Variants in PRKG1 observed in about 807,000 individuals in gnomAD.
The protein encoded by PRKG1 is cGMP-dependent protein kinase 1.
PRKG1 carries 35 observed loss-of-function variants against 88.1 expected under a neutral mutation model. That is an observed-to-expected ratio of 0.40 (90% CI 0.30 to 0.53). PRKG1 has a LOEUF of 0.53. Among genes scored for constraint, PRKG1 ranks in the 20% least tolerant of loss-of-function variants. The probability of loss-of-function intolerance (pLI) is 0.59; values close to 1 mark genes in which losing one functional copy is unlikely to be tolerated. For missense variants in PRKG1, 540 were observed against 839.8 expected (o/e 0.64, Z 4.41); for synonymous variants, 303 against 292.5 (o/e 1.04, Z -0.37).
intron 3 of PRKG1, among the ~76,000 whole-genome samples, chr10:51,631,075 A>C (rs1839513938): frequency 6.6e-6 from 1 of 152,330 alleles, no homozygotes; most frequent in African/African-American, 2.4e-5. Flanking sequence ...CATATTATAC[A>C]AAAAGGGCTT....
At chr10:52,232,330 C>CA (rs907209632) in intron 9 of PRKG1, among the ~76,000 whole-genome samples, 14 of 144,924 alleles carry the variant, frequency 9.7e-5, no homozygotes, top group East Asian at 4.0e-4. Flanking sequence ...AAACAAAAAA[C>CA]AAAAAAAAAA....
intron 9 of PRKG1, among the ~76,000 whole-genome samples, chr10:52,167,490 T>G (rs2132701903): frequency 6.6e-6 from 1 of 152,290 alleles, no homozygotes; most frequent in East Asian, 1.9e-4. Context: ...TACTATTATA[T>G]ACTCTTCATG....
chr10:51,948,224 T>C (rs1021247595), intron 5 of PRKG1, among the ~76,000 whole-genome samples: 21 of 152,304 alleles, frequency 1.4e-4, no homozygotes, highest in African/African-American at 5.1e-4. Context: ...GAATATTTTA[T>C]TGCCATACAT....
intron 2 of PRKG1, among the ~76,000 whole-genome samples, chr10:51,177,904 A>G (rs1043482954): frequency 6.6e-6 from 1 of 152,086 alleles, no homozygotes; most frequent in Non-Finnish European, 1.5e-5. Flanking sequence ...CATATATACT[A>G]TAACCATAGT....
chr10:52,111,117 A>C (rs1406490975), intron 7 of PRKG1, among the ~76,000 whole-genome samples: 1 of 152,194 alleles, frequency 6.6e-6, no homozygotes, highest in African/African-American at 2.4e-5. Context: ...TATTTATCTT[A>C]CTTAAAAAAA....
chr10:51,086,803 T>C (rs1844261989), intron 1 of PRKG1, among the ~76,000 whole-genome samples: 1 of 152,206 alleles, frequency 6.6e-6, no homozygotes, highest in Non-Finnish European at 1.5e-5. Context: ...CATCTGAGGT[T>C]CGTCTTATCT....
chr10:51,386,395 G>T (rs1385777285), intron 2 of PRKG1, among the ~76,000 whole-genome samples: 1 of 152,096 alleles, frequency 6.6e-6, no homozygotes. Context: ...GACTAGTGAT[G>T]GTGTAATTGA....
intron 5 of PRKG1, among the ~76,000 whole-genome samples, chr10:52,020,475 A>G (rs1045865543): frequency 6.6e-6 from 1 of 152,194 alleles, no homozygotes; most frequent in Admixed American, 6.5e-5. Flanking sequence ...GGCATAAGGC[A>G]GAAAAAGAAA....
intron 2 of PRKG1, among the ~76,000 whole-genome samples, chr10:51,390,344 A>G (rs1837364344): frequency 6.6e-6 from 1 of 152,218 alleles, no homozygotes; most frequent in Non-Finnish European, 1.5e-5. Flanking sequence ...TGCTAAATAC[A>G]TTGATATACA....
rs56252793 is a variant in PRKG1 at position 51,987,458 on chromosome 10, CTT to C, written c.763-67011_763-67010del. Among the ~76,000 whole-genome samples, 469 of 139,210 alleles carry C rather than the reference CTT, an allele frequency of 3.4e-3. 6 individuals carry two copies. Among genetic ancestry groups the C allele is most frequent in the African/African-American group, 0.012 (448 of 37,928 alleles). 91.3% of individuals were successfully genotyped at this position (139,210 alleles called of 152,430 possible). Reference sequence around the variant, plus strand: ...GACATGTAAAATCTTCTACTCATTACTTTTTTTTTTTTTTTTCTGAAACTTAC... The same window carrying C: ...GACATGTAAAATCTTCTACTCATTACTTTTTTTTTTTTTTCTGAAACTTAC... On this transcript the variant is annotated intron_variant, in intron 5 of 17. Transcript: ENST00000373980.
intron 3 of PRKG1, among the ~76,000 whole-genome samples, chr10:51,485,462 C>G (rs940531399): frequency 6.6e-6 from 1 of 152,108 alleles, no homozygotes; most frequent in Non-Finnish European, 1.5e-5. Context: ...AATTAGATAG[C>G]TTTGTAGCAT....
At chr10:51,127,106 A>G (rs376981926) in intron 1 of PRKG1, among the ~76,000 whole-genome samples, 1 of 152,216 alleles carries the variant, frequency 6.6e-6, no homozygotes, top group Non-Finnish European at 1.5e-5. Flanking sequence ...GTCAAAATTG[A>G]TAAATGGGAT....
intron 8 of PRKG1, among the ~76,000 whole-genome samples, chr10:52,143,347 G>A (rs1192968561): frequency 6.6e-6 from 1 of 152,112 alleles, no homozygotes; most frequent in East Asian, 1.9e-4. Flanking sequence ...GGGCTGTCAT[G>A]TACAAAGTAG....
At chr10:51,842,682 A>AT (rs535728325) in intron 4 of PRKG1, among the ~76,000 whole-genome samples, 86 of 152,226 alleles carry the variant, frequency 5.6e-4, no homozygotes, top group Non-Finnish European at 1.1e-3. Context: ...ATGTATGTGC[A>AT]TACTATATGT....
intron 3 of PRKG1, among the ~76,000 whole-genome samples, chr10:51,483,389 AT>A (rs1227325644): frequency 2.0e-5 from 3 of 152,072 alleles, no homozygotes; most frequent in Non-Finnish European, 4.4e-5. Context: ...TCCGTGTAAA[AT>A]TTCTTTTTAC....
intron 2 of PRKG1, among the ~76,000 whole-genome samples, chr10:51,457,885 G>C (rs950189310): frequency 4.6e-5 from 7 of 152,110 alleles, no homozygotes; most frequent in African/African-American, 1.2e-4. Context: ...GGAGGACAAA[G>C]GTCATCATTC....
intron 3 of PRKG1, among the ~76,000 whole-genome samples, chr10:51,762,921 T>A (rs1271111735): frequency 6.6e-6 from 1 of 152,140 alleles, no homozygotes; most frequent in Admixed American, 6.5e-5. Flanking sequence ...GTCAGTGCCA[T>A]GGAATAGAAA....
At chr10:51,801,728 T>C (rs1839178866) in intron 3 of PRKG1, among the ~76,000 whole-genome samples, 1 of 152,130 alleles carries the variant, frequency 6.6e-6, no homozygotes, top group African/African-American at 2.4e-5. Context: ...CCTTCCTCTG[T>C]AATCTTGGTG....
intron 1 of PRKG1, among the ~76,000 whole-genome samples, chr10:51,086,090 C>T (rs199723792): frequency 4.6e-5 from 7 of 152,076 alleles, no homozygotes; most frequent in East Asian, 3.8e-4. Context: ...AGGAACTAAG[C>T]GAGAACTAAG....
Sources: gnomAD v4.1 joint callset for allele counts (sites outside exome capture counted in the v4.1 genomes callset) on GRCh38, gnomAD v4.1.1 for gene constraint, MANE v1.5 for transcripts, NCBI Gene and HGNC (gene_info 2026-07-23, HGNC 2026-07-21) for gene names.